SYNE1: variants seen among roughly 807,000 people sequenced by gnomAD.
SYNE1 encodes spectrin repeat containing nuclear envelope protein 1, also known as nesprin-1.
SYNE1 carries 616 observed loss-of-function variants against 1,111.0 expected under a neutral mutation model. The observed-to-expected ratio is 0.55, with a 90% CI of 0.52 to 0.59. The LOEUF is 0.59. SYNE1 is among the 20% of genes least tolerant of loss of function. The pLI is 0.00. For synonymous variants in SYNE1, 3,855 were observed against 3,825.8 expected, an observed-to-expected ratio of 1.01 and a Z score of -0.28; for missense variants, 10,006 against 10,417.0, an observed-to-expected ratio of 0.96 and a Z score of 1.72.
chr6:152,330,933 A>G lies in SYNE1; in HGVS notation c.13752T>C (p.Val4584=), dbSNP rs759217287. 5.5e-5 allele frequency: 88 copies of G among 1,613,960 alleles called. No individual in the cohort carries two copies. Among genetic ancestry groups the G allele is most frequent in the Middle Eastern group, 3.3e-4 (2 of 6,084 alleles). ...TCATTAGGTTGATTTCAGGAAATGT[A>G]ACAATATCTGCTTGTTTTAGCCAGT... ...ACHWLKQADI[V]TFPEINLMNE... Residue 4584 remains valine (V), a synonymous_variant, in exon 78 of 146, where the codon GTT becomes GTC. Transcript: ENST00000367255.
intron 108 of SYNE1, among the ~76,000 whole-genome samples, chr6:152,238,637 T>C (rs2084787895): frequency 6.6e-6 from 1 of 152,090 alleles, no homozygotes; most frequent in African/African-American, 2.4e-5. Flanking sequence ...ATCAGTAATA[T>C]TGTGGGAGTG....
At chr6:152,490,129 A>C (rs2154302993) in intron 11 of SYNE1, among the ~76,000 whole-genome samples, 1 of 152,336 alleles carries the variant, frequency 6.6e-6, no homozygotes, top group Middle Eastern at 3.4e-3. Flanking sequence ...AACAAAATAC[A>C]ACACAGTATA....
intron 130 of SYNE1, among the ~76,000 whole-genome samples, chr6:152,173,944 C>T (rs922366825): frequency 6.6e-6 from 1 of 152,124 alleles, no homozygotes; most frequent in Non-Finnish European, 1.5e-5. Flanking sequence ...AACAGCCAGA[C>T]AAAATATGTT....
chr6:152,387,890 A>T (rs1343748002), intron 53 of SYNE1, among the ~76,000 whole-genome samples: 4 of 152,186 alleles, frequency 2.6e-5, no homozygotes, highest in African/African-American at 9.7e-5. Context: ...ACACACACAC[A>T]ATATACAGTG....
intron 10 of SYNE1, among the ~76,000 whole-genome samples, chr6:152,500,326 C>T (rs1226059311): frequency 6.6e-6 from 1 of 152,156 alleles, no homozygotes; most frequent in Non-Finnish European, 1.5e-5. Flanking sequence ...CACATGGAGT[C>T]TTTGCTTTAG....
At chr6:152,221,625 G>A in intron 117 of SYNE1, 66 bp from the exon 118 acceptor site, 1 of 1,601,348 alleles carries the variant, frequency 6.2e-7, no homozygotes, top group South Asian at 1.1e-5. Flanking sequence ...AAGTTTAAAA[G>A]GAATTTGTAT....
chr6:152,490,290 C>T (rs183627643), intron 11 of SYNE1, among the ~76,000 whole-genome samples: 1 of 151,228 alleles, frequency 6.6e-6, no homozygotes, highest in East Asian at 2.0e-4. Flanking sequence ...TCTTGGGGGT[C>T]CTGGAACCAA....
chr6:152,416,982 C>T lies in SYNE1; in HGVS notation c.5455G>A (p.Glu1819Lys), dbSNP rs868091637. 6.2e-7 allele frequency: 1 copy of T among 1,614,156 alleles called. No homozygotes were observed. The highest frequency in any genetic ancestry group is 1.3e-5 in the African/African-American group (1 of 75,044). ...HAAEVESKKGELQSLQGHLAK... is the reference protein window; with the variant it reads ...HAAEVESKKGKLQSLQGHLAK... ...AAGTGACCCTGCAGACTCTGCAATT[C>T]GCCCTTTTTGCTCTCTACTTCTGCT... The change falls in exon 41 of 146, where the codon GAA becomes AAA. Residue 1819 changes from glutamate (E) to lysine (K), a missense_variant. Transcript: ENST00000367255.
intron 58 of SYNE1, 26 bp downstream of exon 58, chr6:152,376,355 C>T: frequency 6.2e-7 from 1 of 1,612,542 alleles, no homozygotes; most frequent in Non-Finnish European, 8.5e-7. Context: ...AGCACTGCTA[C>T]TAGAATTAAT....
At chr6:152,323,379 C>T in intron 82 of SYNE1, 99 bp downstream of exon 82, 2 of 1,543,088 alleles carry the variant, frequency 1.3e-6, no homozygotes, top group Non-Finnish European at 1.7e-6. Context: ...GCGGAGCTTG[C>T]AGTGAGCCGA....
chr6:152,246,719 G>GCTCC (rs1357247408), intron 105 of SYNE1, among the ~76,000 whole-genome samples: 2 of 152,150 alleles, frequency 1.3e-5, no homozygotes, highest in Non-Finnish European at 2.9e-5. Flanking sequence ...AGTCCCTTGA[G>GCTCC]CTCCCAGCCC....
chr6:152,415,540 G>T (rs1381640707), intron 41 of SYNE1, among the ~76,000 whole-genome samples: 5 of 152,014 alleles, frequency 3.3e-5, no homozygotes, highest in Non-Finnish European at 5.9e-5. Context: ...CTACCAAGAG[G>T]CTCTCAGCCA....
rs760074927 is a variant in SYNE1 at position 152,381,078 on chromosome 6, C to G, written c.8937G>C (p.Trp2979Cys). ...LEQFSALLKT[W>C]AQQLTLLEGK... ...CTTCCAGGAGGGTTAACTGCTGAGCCCAGGTTTTCAGAAGGGCACTGAACT... is the reference window on the plus strand; with the variant it reads ...CTTCCAGGAGGGTTAACTGCTGAGCGCAGGTTTTCAGAAGGGCACTGAACT... The change falls in exon 56 of 146, where the codon TGG (tryptophan) becomes TGC (cysteine). Residue 2979 changes from tryptophan (W) to cysteine (C), a missense_variant. Trp to Cys is a radical substitution (Grantham distance 215, BLOSUM62 -2). This residue lies in a region of SYNE1 where 4,955 missense variants were observed against 5,017.2 expected (regional missense o/e 0.99). Coordinates refer to ENST00000367255, the MANE Select transcript of SYNE1 (RefSeq NM_182961.4). 9 of 1,614,006 alleles carry G rather than the reference C, an allele frequency of 5.6e-6. No homozygotes were observed. Among genetic ancestry groups the G allele is most frequent in the Non-Finnish European group, 5.9e-6 (7 of 1,180,020 alleles).
rs547931558 is a variant in SYNE1, at chr6:152,463,615, A to G, written c.1933-98T>C. 44 of 1,022,754 alleles carry G rather than the reference A, an allele frequency of 4.3e-5. No homozygotes were observed. The South Asian group carries it at 5.7e-4, about 13-fold the overall frequency. The allele number at this position is 1,022,754 out of a possible 1,614,324, so 63.4% of individuals were successfully genotyped here. On this transcript the variant is annotated intron_variant, in intron 18 of 145. Transcript: ENST00000367255. ...GTAGGAAAAATATTTTTGTTTTAAC[A>G]TTCATGTGAATTTTAAGATAAATCA...
At chr6:152,461,517 A>T in intron 21 of SYNE1, 80 bp downstream of exon 21, 1 of 1,567,126 alleles carries the variant, frequency 6.4e-7, no homozygotes. Context: ...CACTTTGCCC[A>T]TGGGGAGAAG....
intron 7 of SYNE1, 104 bp from the exon 8 acceptor site, chr6:152,510,475 T>C (rs916191927): frequency 7.6e-7 from 1 of 1,311,582 alleles, no homozygotes; most frequent in Non-Finnish European, 1.1e-6. Context: ...TTAACACTCT[T>C]GACATTCCTG....
intron 131 of SYNE1, 72 bp from the exon 132 acceptor site, chr6:152,156,169 G>T: frequency 6.7e-7 from 1 of 1,491,490 alleles, no homozygotes; most frequent in South Asian, 1.1e-5. Flanking sequence ...AGCAACCTAT[G>T]TTGGTAAATG....
rs146180704 is a variant in SYNE1, at chr6:152,164,698, A to G, written c.23628-373T>C. Among the ~76,000 whole-genome samples, 15 of 152,314 alleles carry G rather than the reference A, an allele frequency of 9.8e-5. No individual in the cohort carries two copies. The South Asian group carries it at 1.7e-3, about 17-fold the overall frequency. On this transcript the variant is annotated intron_variant, in intron 130 of 145. Coordinates refer to ENST00000367255, the MANE Select transcript of SYNE1 (RefSeq NM_182961.4). Reference sequence around the variant, plus strand: ...ATTGACTCCCTGTTAAGAGCCTGACATGGCTGAGTGTACACAGATTGCTCT... The same window carrying G: ...ATTGACTCCCTGTTAAGAGCCTGACGTGGCTGAGTGTACACAGATTGCTCT...
At chr6:152,450,881 T>G (rs765430291) in intron 26 of SYNE1, 48 bp from the exon 27 acceptor site, 1 of 1,594,492 alleles carries the variant, frequency 6.3e-7, no homozygotes, top group South Asian at 1.1e-5. Flanking sequence ...AGCCACACAG[T>G]ACTTCTACAT....
Sources: allele counts gnomAD v4.1 joint callset (sites outside exome capture counted in the v4.1 genomes callset), GRCh38; gene constraint gnomAD v4.1.1; regional missense constraint gnomAD v4.1.1; transcripts MANE v1.5; gene names NCBI Gene and HGNC (gene_info 2026-07-23, HGNC 2026-07-21).